The following IFT74 variants were observed in gnomAD, a reference collection of about 807,000 sequenced individuals.
IFT74 encodes intraflagellar transport protein 74 homolog.
In IFT74, 92 loss-of-function variants were observed where a neutral mutation model predicts 96.7. The observed-to-expected ratio is 0.95, with a 90% confidence interval of 0.80 to 1.13. The LOEUF (loss-of-function observed/expected upper bound fraction) is 1.13, where lower values mean the gene tolerates loss of function less well. Ranked by LOEUF, IFT74 falls within the 50% of genes most tolerant of loss-of-function variation. The pLI is 0.00. For missense variants in IFT74, 811 were observed against 698.2 expected (o/e 1.16, Z -1.82); for synonymous variants, 223 against 213.2 (o/e 1.05, Z -0.40).
intron 9 of IFT74, among the ~76,000 whole-genome samples, chr9:27,011,576 G>A (rs752867345): frequency 6.6e-6 from 1 of 150,720 alleles, no homozygotes; most frequent in East Asian, 1.9e-4. Flanking sequence ...GATATTTGAT[G>A]TCTCAGAACA....
intron 4 of IFT74, chr9:26,982,451 A>ATTTTTT (rs56756518): frequency 1.9e-4 from 41 of 215,744 alleles, no homozygotes; most frequent in South Asian, 3.4e-4. Context: ...TAATTTTTGT[A>ATTTTTT]TTTTTTTTTT....
chr9:27,059,058 G>T (rs1336716275), intron 18 of IFT74, among the ~76,000 whole-genome samples: 3 of 151,848 alleles, frequency 2.0e-5, no homozygotes, highest in Non-Finnish European at 4.4e-5. Context: ...ATTTAAGGTG[G>T]AAAGCACTTG....
chr9:27,056,613 T>A (rs1820171141), intron 18 of IFT74, among the ~76,000 whole-genome samples, 154 bp downstream of exon 18: 1 of 152,126 alleles, frequency 6.6e-6, no homozygotes, highest in Admixed American at 6.5e-5. Context: ...TCAGAATGAA[T>A]GGACTCCTGC....
At chr9:26,971,902 C>T (rs1013717389) in intron 2 of IFT74, among the ~76,000 whole-genome samples, 2 of 152,296 alleles carry the variant, frequency 1.3e-5, no homozygotes, top group Admixed American at 1.3e-4. Context: ...TGGCTGAGTG[C>T]AAACAGTTTA....
intron 13 of IFT74, among the ~76,000 whole-genome samples, chr9:27,042,758 G>A (rs984165409): frequency 2.0e-5 from 3 of 152,164 alleles, no homozygotes; most frequent in African/African-American, 7.2e-5. Flanking sequence ...GCCAGAACAA[G>A]AAACTAGGAC....
rs533524483 is a variant in IFT74 at position 27,017,730 on chromosome 9, A to G, written c.933+680A>G. The stretch of plus-strand genomic sequence containing the variant: ...ATCAGTGCCTCCATGAAGAGAATGG[A>G]ATTAAAATGTCCTGTGAAATTATCG... On this transcript the variant is annotated intron_variant, in intron 11 of 19. Transcript: ENST00000380062. Among the ~76,000 whole-genome samples, 4 of 152,298 alleles carry G rather than the reference A, an allele frequency of 2.6e-5. No individual in the cohort carries two copies. The South Asian group carries it at 8.3e-4, about 32-fold the overall frequency.
upstream of IFT74, chr9:26,955,968 C>T (rs1826073887): frequency 6.6e-6 from 1 of 152,174 alleles, no homozygotes; most frequent in African/African-American, 2.4e-5. Flanking sequence ...ACAGTTGGTG[C>T]CAGAATCGCA....
At chr9:26,977,556 T>C (rs1277019427) in intron 2 of IFT74, among the ~76,000 whole-genome samples, 2 of 152,342 alleles carry the variant, frequency 1.3e-5, no homozygotes, top group Non-Finnish European at 2.9e-5. Flanking sequence ...TGGCATGATC[T>C]CGGCTCACTG....
intron 1 of IFT74, among the ~76,000 whole-genome samples, chr9:26,948,008 C>G (rs1432271386): frequency 6.6e-6 from 1 of 152,184 alleles, no homozygotes; most frequent in Non-Finnish European, 1.5e-5. Flanking sequence ...TTCCCATCCG[C>G]TATTCTCTCG....
chr9:27,056,434 T>G lies in IFT74; in HGVS notation c.1598T>G (p.Leu533Trp). The change falls in exon 18 of 20, where the codon TTG becomes TGG. Residue 533 changes from leucine (L) to tryptophan (W), a missense_variant. Coordinates refer to ENST00000380062, the MANE Select transcript of IFT74 (RefSeq NM_025103.4). ...NIEYEALKTQ[L>W]QENETHSQLT... ...GAGTATGAGGCACTAAAAACACAAT[T>G]GCAAGAAAATGAGACACATTCTCAG... 6.3e-7 allele frequency: 1 copy of G among 1,596,912 alleles called. No individual in the cohort carries two copies. The highest frequency in any genetic ancestry group is 1.3e-5 in the African/African-American group (1 of 74,092).
intron 3 of IFT74, among the ~76,000 whole-genome samples, chr9:26,979,116 A>G (rs761661699): frequency 6.6e-5 from 10 of 151,820 alleles, no homozygotes; most frequent in Non-Finnish European, 1.5e-4. Flanking sequence ...GCTACTTTCT[A>G]TAATACAGTA....
At position 26,980,598 on chromosome 9, in the gene IFT74, C is replaced by A. The variant is rs1206180411; in HGVS notation, c.284C>A (p.Ser95Tyr). 1 of 1,605,456 alleles carries A rather than the reference C, an allele frequency of 6.2e-7. No individual in the cohort carries two copies. The highest frequency in any genetic ancestry group is 8.5e-7 in the Non-Finnish European group (1 of 1,172,554). Reference sequence around the variant, plus strand: ...CCCCAGAGGCAAATTTTAGACAAATCTTACTATCTTGGGCTTCTTAGGTAT... The same window carrying A: ...CCCCAGAGGCAAATTTTAGACAAATATTACTATCTTGGGCTTCTTAGGTAT... ...KGPQRQILDKSYYLGLLRSKI... is the reference protein window; with the variant it reads ...KGPQRQILDKYYYLGLLRSKI... Residue 95 changes from serine (S) to tyrosine (Y), a missense_variant, in exon 4 of 20, where the codon TCT becomes TAT. By Grantham distance (144) the Ser-to-Tyr change is moderately radical (BLOSUM62 -2). Coordinates refer to ENST00000380062, the MANE Select transcript of IFT74 (RefSeq NM_025103.4).
rs1042951238 is a variant in IFT74, at chr9:26,963,064, C to T, written c.120+977C>T. Among the ~76,000 whole-genome samples, 4 of 151,912 alleles carry T rather than the reference C, an allele frequency of 2.6e-5. 1 individual carries two copies. In the Middle Eastern group the frequency reaches 0.01, roughly 388 times the overall value. On this transcript the variant is annotated intron_variant, in intron 2 of 19. Coordinates refer to ENST00000380062, the MANE Select transcript of IFT74 (RefSeq NM_025103.4). ...TGCTGGTGTGCTGCACCCACTAACT[C>T]GTCATCTAGCATTAGGTGTATCTCC...
rs879093890 is a variant in IFT74, at chr9:27,064,850, G to A, written c.*2114G>A. ...ATTAGTAATAAGGGTTTTTTTCTGA[G>A]TGGTGGGATTATGGGTGATTGTAAT... On this transcript the variant is annotated 3_prime_UTR_variant, in exon 20 of 20. Transcript: ENST00000380062. Among the ~76,000 whole-genome samples the A allele has an allele frequency of 6.6e-6, 1 of 151,734 alleles. No homozygotes were observed. The highest frequency in any genetic ancestry group is 6.6e-5 in the Admixed American group (1 of 15,230).
At chr9:27,046,141 G>A (rs1819694164) in intron 14 of IFT74, among the ~76,000 whole-genome samples, 1 of 152,052 alleles carries the variant, frequency 6.6e-6, no homozygotes, top group Non-Finnish European at 1.5e-5. Flanking sequence ...TTATGCCTTT[G>A]TATATGTAAA....
At chr9:26,969,968 T>G (rs773510139) in intron 2 of IFT74, among the ~76,000 whole-genome samples, 8 of 152,198 alleles carry the variant, frequency 5.3e-5, no homozygotes, top group East Asian at 1.9e-4. Context: ...TTTTGTTTTG[T>G]TTTTTGGTTT....
At chr9:27,029,354 C>T (rs1246814271) in intron 13 of IFT74, among the ~76,000 whole-genome samples, 2 of 150,364 alleles carry the variant, frequency 1.3e-5, no homozygotes, top group Non-Finnish European at 3.0e-5. Context: ...TTTTTTTTTA[C>T]AAAAACAGAA....
intron 16 of IFT74, among the ~76,000 whole-genome samples, chr9:27,053,884 T>C (rs1780064192): frequency 6.6e-6 from 1 of 152,248 alleles, no homozygotes; most frequent in African/African-American, 2.4e-5. Context: ...CTTGTTCAGC[T>C]CTTTGATTCT....
At chr9:26,962,124 A>G (rs749343946) in intron 2 of IFT74, 37 bp downstream of exon 2, 47 of 1,610,112 alleles carry the variant, frequency 2.9e-5, no homozygotes, top group Middle Eastern at 1.7e-4. Context: ...TTGGGAGGCC[A>G]AGGTGGGAGG....
Sources: gnomAD v4.1 joint callset for allele counts (sites outside exome capture counted in the v4.1 genomes callset) on GRCh38, gnomAD v4.1.1 for gene constraint, MANE v1.5 for transcripts, NCBI Gene and HGNC (gene_info 2026-07-23, HGNC 2026-07-21) for gene names.